LEKR1: variants seen among roughly 807,000 people sequenced by gnomAD.
The protein encoded by LEKR1 is leucine, glutamate and lysine rich 1, also known as protein LEKR1.
A neutral mutation model predicts 72.4 loss-of-function variants in LEKR1; 59 were observed. The observed-to-expected ratio is 0.82, with a 90% CI of 0.66 to 1.01. The LOEUF is 1.01. Ranked by LOEUF, LEKR1 falls within the 50% of genes least tolerant of loss-of-function variation. The pLI is 0.00. For missense variants in LEKR1, 728 were observed against 759.2 expected (o/e 0.96, Z 0.48); for synonymous variants, 257 against 263.2 (o/e 0.98, Z 0.23).
At chr3:156,878,987 A>C (rs914971882) in intron 3 of LEKR1, among the ~76,000 whole-genome samples, 2 of 152,094 alleles carry the variant, frequency 1.3e-5, no homozygotes, top group African/African-American at 4.8e-5. Context: ...TTTTTATATA[A>C]ATTATACAGT....
chr3:156,830,459 C>T (rs978838353), intron 2 of LEKR1, among the ~76,000 whole-genome samples: 46 of 152,154 alleles, frequency 3.0e-4, no homozygotes, highest in African/African-American at 1.1e-3. Context: ...ATGTGGTGTG[C>T]AGCTGTGGTT....
chr3:157,008,131 T>G (rs530844893), intron 9 of LEKR1, among the ~76,000 whole-genome samples: 31 of 152,332 alleles, frequency 2.0e-4, no homozygotes, highest in African/African-American at 7.2e-4. Flanking sequence ...TCAAGCCTGC[T>G]GGGTCTGCCT....
chr3:156,948,446 A>G (rs945819048), intron 6 of LEKR1, among the ~76,000 whole-genome samples: 5 of 151,094 alleles, frequency 3.3e-5, no homozygotes, highest in Non-Finnish European at 7.4e-5. Flanking sequence ...GAGTTCATCT[A>G]TTTTTTCCCA....
At chr3:156,897,838 A>G (rs181498308) in intron 3 of LEKR1, among the ~76,000 whole-genome samples, 1 of 152,146 alleles carries the variant, frequency 6.6e-6, no homozygotes, top group East Asian at 1.9e-4. Flanking sequence ...CTGTAATTCC[A>G]GTTACTCGGG....
intron 3 of LEKR1, among the ~76,000 whole-genome samples, chr3:156,871,462 G>T (rs1469379335): frequency 6.6e-6 from 1 of 152,104 alleles, no homozygotes; most frequent in African/African-American, 2.4e-5. Flanking sequence ...AGTCCTTTGG[G>T]TATATACCCA....
chr3:156,834,223 G>T (rs1712813214), intron 2 of LEKR1, among the ~76,000 whole-genome samples: 1 of 152,016 alleles, frequency 6.6e-6, no homozygotes, highest in Non-Finnish European at 1.5e-5. Flanking sequence ...TGACACATGG[G>T]TCCAGATTCT....
intron 3 of LEKR1, among the ~76,000 whole-genome samples, chr3:156,883,209 G>C (rs1719662400): frequency 8.0e-6 from 1 of 124,858 alleles, no homozygotes; most frequent in Non-Finnish European, 1.7e-5. Flanking sequence ...CTTGATTTCA[G>C]ACTTGCATGG....
chr3:156,887,319 A>G lies in LEKR1; in HGVS notation c.264-33256A>G, dbSNP rs572554630. Among the ~76,000 whole-genome samples, 276 of 151,630 alleles carry G rather than the reference A, an allele frequency of 1.8e-3. 2 individuals are homozygous for G. Among genetic ancestry groups the G allele is most frequent in the African/African-American group, 6.5e-3 (270 of 41,308 alleles). On this transcript the variant is annotated intron_variant, in intron 3 of 12. Transcript: ENST00000356539. ...TCTCTGCCTTCTTGGTGGGCCCTTG[A>G]GGTGCACAGTGCAGGTGTGGAGTGA...
intron 5 of LEKR1, among the ~76,000 whole-genome samples, chr3:156,937,115 T>G (rs1725786070): frequency 6.6e-6 from 1 of 152,020 alleles, no homozygotes; most frequent in Non-Finnish European, 1.5e-5. Context: ...GAGCAGCCAC[T>G]GCACTCCAGT....
rs75097917 is a variant in LEKR1 at position 156,901,215 on chromosome 3, TC to T, written c.264-19358del. ...CCTTCATTACTGCAGACAACGTCAT[TC>T]CTTTTTTTTTTCCTTCCTTCTCTTC... is the stretch of plus-strand genomic sequence containing the variant. On this transcript the variant is annotated intron_variant, in intron 3 of 12. Coordinates refer to ENST00000356539, the MANE Select transcript of LEKR1 (RefSeq NM_001004316.3). Among the ~76,000 whole-genome samples, 155 of 151,848 alleles carry T rather than the reference TC, an allele frequency of 1.0e-3. 1 individual carries two copies. In the East Asian group the frequency reaches 0.025, roughly 24 times the overall value.
intron 6 of LEKR1, among the ~76,000 whole-genome samples, chr3:156,946,701 A>G (rs770131094): frequency 2.6e-5 from 4 of 151,348 alleles, no homozygotes; most frequent in Non-Finnish European, 5.9e-5. Flanking sequence ...AAACGATCCT[A>G]TGATTTTTGT....
At chr3:156,947,084 T>A (rs1192025885) in intron 6 of LEKR1, among the ~76,000 whole-genome samples, 3 of 151,180 alleles carry the variant, frequency 2.0e-5, no homozygotes, top group Admixed American at 6.6e-5. Flanking sequence ...ATTTTGTTGA[T>A]CTTTTGTATT....
chr3:156,879,868 G>A (rs923063431), intron 3 of LEKR1, among the ~76,000 whole-genome samples: 3 of 152,142 alleles, frequency 2.0e-5, no homozygotes, highest in Non-Finnish European at 4.4e-5. Flanking sequence ...TTGAGTCTGC[G>A]GGTGCACAGA....
intron 4 of LEKR1, among the ~76,000 whole-genome samples, chr3:156,921,470 C>T (rs947710562): frequency 2.0e-5 from 3 of 152,108 alleles, no homozygotes; most frequent in Admixed American, 1.3e-4. Flanking sequence ...ACCTATTGAA[C>T]ATCTACCTTT....
chr3:157,024,752 A>G lies in LEKR1; in HGVS notation c.1204-8A>G. The stretch of plus-strand genomic sequence containing the variant: ...TAGTTTTACATGTGCTTTAAATGCC[A>G]TTTCTAGATTGAAGCAGAACTTGCC... On this transcript the variant is annotated splice_polypyrimidine_tract_variant and splice_region_variant and intron_variant, in intron 10 of 12. Coordinates refer to ENST00000356539, the MANE Select transcript of LEKR1 (RefSeq NM_001004316.3). 6.3e-7 allele frequency: 1 copy of G among 1,594,490 alleles called. No homozygotes were observed. Among genetic ancestry groups the G allele is most frequent in the Non-Finnish European group, 8.5e-7 (1 of 1,174,326 alleles).
chr3:156,838,437 A>T (rs1322416973), intron 2 of LEKR1, among the ~76,000 whole-genome samples: 3 of 152,188 alleles, frequency 2.0e-5, no homozygotes, highest in Admixed American at 6.5e-5. Flanking sequence ...CTTATTCTCT[A>T]ACTGGGGAGA....
chr3:156,939,327 A>ACAGATCCTTCCC (rs1725997549), intron 5 of LEKR1, among the ~76,000 whole-genome samples: 1 of 152,194 alleles, frequency 6.6e-6, no homozygotes, highest in South Asian at 2.1e-4. Context: ...GAGACCTGGA[A>ACAGATCCTTCCC]CAGATCCTTC....
intron 3 of LEKR1, among the ~76,000 whole-genome samples, chr3:156,871,638 T>C (rs947883530): frequency 1.3e-5 from 2 of 152,202 alleles, no homozygotes; most frequent in Non-Finnish European, 2.9e-5. Context: ...GACTTTTTAA[T>C]GATTGCCATT....
At chr3:156,867,126 A>T (rs1717400634) in intron 3 of LEKR1, among the ~76,000 whole-genome samples, 1 of 152,124 alleles carries the variant, frequency 6.6e-6, no homozygotes, top group South Asian at 2.1e-4. Context: ...GTCAGAATAA[A>T]GGATGTATCT....
Sources: gnomAD v4.1 joint callset for allele counts (sites outside exome capture counted in the v4.1 genomes callset) on GRCh38, gnomAD v4.1.1 for gene constraint, MANE v1.5 for transcripts, NCBI Gene and HGNC (gene_info 2026-07-23, HGNC 2026-07-21) for gene names.